SRGAP3: variants seen among roughly 807,000 people sequenced by gnomAD.
SRGAP3 encodes SLIT-ROBO Rho GTPase-activating protein 3.
In SRGAP3, 39 loss-of-function variants were observed where a neutral mutation model predicts 121.1. That is an observed-to-expected ratio of 0.32 (90% CI 0.25 to 0.42). The LOEUF is 0.42. Ranked by LOEUF, SRGAP3 falls within the 10% of genes least tolerant of loss-of-function variation. SRGAP3 has a pLI of 1.00. For synonymous variants in SRGAP3, 601 were observed against 570.0 expected (o/e 1.05, Z -0.77); for missense variants, 1,213 against 1,470.6 (o/e 0.82, Z 2.86).
intron 1 of SRGAP3, chr3:9,216,797 CG>C (rs1342218073): frequency 3.9e-5 from 6 of 152,404 alleles, no homozygotes; most frequent in Non-Finnish European, 8.8e-5. Context: ...GAACGTGATG[CG>C]GCCTCTACGC....
At chr3:9,170,185 G>C (rs1950924939) in intron 1 of SRGAP3, among the ~76,000 whole-genome samples, 1 of 152,178 alleles carries the variant, frequency 6.6e-6, no homozygotes, top group African/African-American at 2.4e-5. Flanking sequence ...GTCCGTAGAA[G>C]AAACCGCCCC....
chr3:9,228,338 G>T (rs1278830770), intron 1 of SRGAP3, among the ~76,000 whole-genome samples: 1 of 152,192 alleles, frequency 6.6e-6, no homozygotes, highest in African/African-American at 2.4e-5. Flanking sequence ...CAGAAATGCA[G>T]ATATTTAAAT....
intron 1 of SRGAP3, among the ~76,000 whole-genome samples, chr3:9,171,077 C>A (rs1241221147): frequency 4.6e-5 from 7 of 152,196 alleles, no homozygotes; most frequent in Non-Finnish European, 8.8e-5. Context: ...AGGGCCTGGG[C>A]CCCACAACAG....
At chr3:9,119,132 A>G (rs1273337090) in intron 2 of SRGAP3, among the ~76,000 whole-genome samples, 1 of 152,156 alleles carries the variant, frequency 6.6e-6, no homozygotes, top group African/African-American at 2.4e-5. Context: ...ACAGACGATG[A>G]CAATACAGGG....
At chr3:8,994,756 C>G (rs1280738163) in intron 18 of SRGAP3, among the ~76,000 whole-genome samples, 1 of 152,200 alleles carries the variant, frequency 6.6e-6, no homozygotes, top group Non-Finnish European at 1.5e-5. Flanking sequence ...AAAGAGGGAG[C>G]TGATACATGC....
chr3:9,068,098 A>G (rs915685824), intron 4 of SRGAP3, among the ~76,000 whole-genome samples: 32 of 152,176 alleles, frequency 2.1e-4, no homozygotes, highest in African/African-American at 7.2e-4. Context: ...GGTGTTTTTC[A>G]TGTCTGGATC....
At chr3:9,198,020 A>C (rs1415019206) in intron 1 of SRGAP3, among the ~76,000 whole-genome samples, 1 of 152,238 alleles carries the variant, frequency 6.6e-6, no homozygotes, top group Non-Finnish European at 1.5e-5. Context: ...TCATTATATT[A>C]TGACTTGCAG....
chr3:9,141,557 T>G (rs1249525026), intron 1 of SRGAP3, among the ~76,000 whole-genome samples: 1 of 32,098 alleles, frequency 3.1e-5, no homozygotes, highest in East Asian at 8.5e-4. Flanking sequence ...TTCAGGGGTG[T>G]GTGTGTGTGT....
intron 6 of SRGAP3, chr3:9,059,837 G>A (rs186185167): frequency 2.9e-4 from 88 of 305,684 alleles, no homozygotes; most frequent in Non-Finnish European, 4.4e-4. Context: ...CCCTAGGGGC[G>A]CCAAACATTT....
At chr3:9,173,021 G>A (rs1951041068) in intron 1 of SRGAP3, among the ~76,000 whole-genome samples, 1 of 152,184 alleles carries the variant, frequency 6.6e-6, no homozygotes, top group Non-Finnish European at 1.5e-5. Flanking sequence ...GAGGTGGTGG[G>A]GCATGGCTCG....
At chr3:9,358,788 G>A (rs1479540824) in intron 1 of SRGAP3, among the ~76,000 whole-genome samples, 1 of 152,040 alleles carries the variant, frequency 6.6e-6, no homozygotes, top group African/African-American at 2.4e-5. Flanking sequence ...CATATTTTCT[G>A]GTTTATTACA....
chr3:9,181,917 G>A (rs545582467), intron 1 of SRGAP3, among the ~76,000 whole-genome samples: 88 of 152,290 alleles, frequency 5.8e-4, no homozygotes, highest in South Asian at 4.1e-4. Flanking sequence ...GCTCACGCCT[G>A]TAATCCCAAC....
intron 1 of SRGAP3, among the ~76,000 whole-genome samples, chr3:9,150,530 G>A (rs1950179256): frequency 1.3e-5 from 2 of 152,170 alleles, no homozygotes; most frequent in South Asian, 4.1e-4. Flanking sequence ...CACTCAGAAG[G>A]GCAGGGCCCA....
chr3:9,261,177 A>G (rs1013845296), intron 3 of SRGAP3, among the ~76,000 whole-genome samples: 1 of 152,200 alleles, frequency 6.6e-6, no homozygotes, highest in African/African-American at 2.4e-5. Flanking sequence ...ACGTCCACGC[A>G]AAAGCTCCAT....
chr3:9,278,442 T>C (rs894602940), intron 3 of SRGAP3, among the ~76,000 whole-genome samples: 5 of 152,232 alleles, frequency 3.3e-5, no homozygotes, highest in Non-Finnish European at 7.3e-5. Context: ...CAAGTGTGCA[T>C]GTGACCAACT....
intron 3 of SRGAP3, among the ~76,000 whole-genome samples, chr3:9,294,164 C>A (rs751964785): frequency 1.6e-4 from 25 of 152,018 alleles, no homozygotes; most frequent in Admixed American, 2.6e-4. Context: ...AGAATGAGAT[C>A]CATACACACC....
At chr3:9,238,234 T>C (rs764754509) in intron 1 of SRGAP3, among the ~76,000 whole-genome samples, 1 of 152,158 alleles carries the variant, frequency 6.6e-6, no homozygotes, top group Non-Finnish European at 1.5e-5. Flanking sequence ...ATGGAGGAGA[T>C]GGAGAAGGAA....
intron 3 of SRGAP3, among the ~76,000 whole-genome samples, chr3:9,288,206 C>T (rs550965218): frequency 2.0e-5 from 3 of 149,132 alleles, no homozygotes; most frequent in East Asian, 3.9e-4. Flanking sequence ...AGCGCAGCCT[C>T]GGCTCACTGC....
chr3:9,050,316 C>T (rs755379346), intron 9 of SRGAP3, among the ~76,000 whole-genome samples: 10 of 152,154 alleles, frequency 6.6e-5, no homozygotes, highest in African/African-American at 1.2e-4. Flanking sequence ...TTCTGTCCAC[C>T]GTGTCTCACT....
Sources: allele counts gnomAD v4.1 joint callset (sites outside exome capture counted in the v4.1 genomes callset), GRCh38; gene constraint gnomAD v4.1.1; transcripts MANE v1.5; gene names NCBI Gene and HGNC (gene_info 2026-07-23, HGNC 2026-07-21).